The following ITPKB variants were observed in gnomAD, a reference collection of about 807,000 sequenced individuals.
ITPKB encodes the protein IP3 3-kinase B.
A neutral mutation model predicts 69.4 loss-of-function variants in ITPKB; 13 were observed. The observed-to-expected ratio is 0.19, with a 90% CI of 0.12 to 0.30. The LOEUF (loss-of-function observed/expected upper bound fraction) is 0.30. ITPKB is among the 10% of genes least tolerant of loss of function. ITPKB has a pLI of 1.00. For missense variants in ITPKB, 1,240 were observed against 1,250.5 expected (o/e 0.99, Z 0.13); for synonymous variants, 584 against 513.7 (o/e 1.14, Z -1.85).
chr1:226,728,000 G>A (rs542809934), intron 2 of ITPKB, among the ~76,000 whole-genome samples: 3 of 151,990 alleles, frequency 2.0e-5, no homozygotes, highest in Non-Finnish European at 2.9e-5. Flanking sequence ...TGAGCTTCAC[G>A]AGGAAGGATT....
chr1:226,707,601 G>A (rs979490391), intron 2 of ITPKB: 1 of 987,348 alleles, frequency 1.0e-6, no homozygotes, highest in African/African-American at 1.7e-5. Context: ...TCGGGCAGTG[G>A]GGGCTCAATG....
intron 2 of ITPKB, among the ~76,000 whole-genome samples, chr1:226,732,392 C>A (rs1657616238): frequency 6.6e-6 from 1 of 152,274 alleles, no homozygotes; most frequent in South Asian, 2.1e-4. Flanking sequence ...GCGCCCGCGA[C>A]CACGCCAGCT....
Position 226,634,802 on chromosome 1 carries a change from G to T in ITPKB, c.2710C>A (p.Leu904Met), listed in dbSNP as rs1367164360. Reference protein sequence around the residue: ...WMIDFGKTTPLPEGQTLQHDV... With the variant: ...WMIDFGKTTPMPEGQTLQHDV... Reference sequence around the variant, plus strand: ...TGCTGCAGGGTCTGGCCCTCAGGCAGGGGCGTGGTTTTCCCAAAGTCGATC... The same window carrying T: ...TGCTGCAGGGTCTGGCCCTCAGGCATGGGCGTGGTTTTCCCAAAGTCGATC... The change falls in exon 8 of 8, where the codon CTG becomes ATG. Residue 904 changes from leucine (L) to methionine (M), a missense_variant. By Grantham distance (15) the Leu-to-Met change is conservative (BLOSUM62 2). Coordinates refer to ENST00000429204, the MANE Select transcript of ITPKB (RefSeq NM_002221.4). This position sits in a 1 kb window ranked among gnomAD's most constrained non-coding sequence, Gnocchi z 6.3. The T allele has an allele frequency of 1.2e-6, 2 of 1,607,952 alleles. No homozygotes were observed. The highest frequency in any genetic ancestry group is 1.7e-6 in the Non-Finnish European group (2 of 1,174,364).
At chr1:226,645,610 C>G (rs1669045036) in intron 4 of ITPKB, among the ~76,000 whole-genome samples, 1 of 152,178 alleles carries the variant, frequency 6.6e-6, no homozygotes, top group South Asian at 2.1e-4. Flanking sequence ...TCCATGTGGT[C>G]ACCTGCGAAG....
chr1:226,737,483 C>G lies in ITPKB; in HGVS notation c.-25G>C, dbSNP rs1011848613. On this transcript the variant is annotated 5_prime_UTR_variant, in exon 2 of 8. Transcript: ENST00000429204. ...TAGTACTGGGTCCCGCGCTGCCCGC[C>G]GCCGCGGCTCCCGCTCCTGCTCCGC... 1.6e-5 allele frequency: 25 copies of G among 1,533,138 alleles called. No individual in the cohort carries two copies. The highest frequency in any genetic ancestry group is 2.2e-5 in the Non-Finnish European group (25 of 1,144,370). 95.0% of individuals were successfully genotyped at this position (1,533,138 alleles called of 1,614,324 possible). A position where few individuals can be genotyped will look rare whatever the true frequency, so the allele number is the denominator to read the frequency against.
At chr1:226,693,049 G>C (rs563131131) in intron 2 of ITPKB, among the ~76,000 whole-genome samples, 1 of 152,316 alleles carries the variant, frequency 6.6e-6, no homozygotes, top group South Asian at 2.1e-4. Context: ...GCTGCTCAGG[G>C]AGCAAGGCAG....
At chr1:226,705,150 G>A (rs1192864181) in intron 2 of ITPKB, among the ~76,000 whole-genome samples, 1 of 152,190 alleles carries the variant, frequency 6.6e-6, no homozygotes, top group African/African-American at 2.4e-5. Context: ...AAACATTTAG[G>A]TGCTAATTCC....
At chr1:226,702,118 C>T (rs1251065682) in intron 2 of ITPKB, among the ~76,000 whole-genome samples, 1 of 152,044 alleles carries the variant, frequency 6.6e-6, no homozygotes, top group Admixed American at 6.6e-5. Flanking sequence ...CAACTTGGCC[C>T]GGCACGGTGG....
intron 2 of ITPKB, among the ~76,000 whole-genome samples, chr1:226,649,781 T>C (rs562969744): frequency 6.6e-6 from 1 of 151,968 alleles, no homozygotes; most frequent in Admixed American, 6.5e-5. Context: ...TTTATACAAC[T>C]ACTTGAAAAT....
In ITPKB at chr1:226,636,777, TG is replaced by T. The variant is rs1668847741; in HGVS notation, c.2625+901del. 2.0e-5 allele frequency among the ~76,000 whole-genome samples: 3 copies of T among 148,526 alleles called. No homozygotes were observed. In the South Asian group the frequency reaches 6.3e-4, roughly 31 times the overall value. ...CTGTGTGTGTGTGTGTGTGTGTGTG[TG>T]TGTGTGTGTGTGTGTGAGACTGGGA... On this transcript the variant is annotated intron_variant, in intron 7 of 7. Transcript: ENST00000429204.
chr1:226,688,128 T>C (rs1486328036), intron 2 of ITPKB, among the ~76,000 whole-genome samples: 2 of 152,144 alleles, frequency 1.3e-5, no homozygotes, highest in Non-Finnish European at 2.9e-5. Context: ...TCTGATAGGG[T>C]TCACACTTCT....
rs143110267 is a variant in ITPKB at position 226,671,427 on chromosome 1, T to A, written c.1933-22656A>T. ...AGAACCCAATAAATGCTGTTGCTAA[T>A]GGATTCACGCATGCATGCACACATG... On this transcript the variant is annotated intron_variant, in intron 2 of 7. Coordinates refer to ENST00000429204, the MANE Select transcript of ITPKB (RefSeq NM_002221.4). Among the ~76,000 whole-genome samples, 11 of 152,366 alleles carry A rather than the reference T, an allele frequency of 7.2e-5. No individual in the cohort carries two copies. The East Asian group carries it at 2.1e-3, about 29-fold the overall frequency.
chr1:226,668,495 C>G (rs1669549030), intron 2 of ITPKB, among the ~76,000 whole-genome samples: 1 of 152,200 alleles, frequency 6.6e-6, no homozygotes, highest in Non-Finnish European at 1.5e-5. Flanking sequence ...AGAACCTGGG[C>G]TATTCCATCC....
intron 2 of ITPKB, among the ~76,000 whole-genome samples, chr1:226,674,465 G>A (rs1460318612): frequency 6.6e-6 from 1 of 152,100 alleles, no homozygotes; most frequent in Non-Finnish European, 1.5e-5. Context: ...CCATAGTGCT[G>A]GAATTACAGG....
intron 2 of ITPKB, among the ~76,000 whole-genome samples, chr1:226,702,483 C>T (rs984993589): frequency 2.0e-5 from 3 of 152,084 alleles, no homozygotes; most frequent in Admixed American, 2.0e-4. Context: ...TTCCCTTCTG[C>T]AGCGCTGCCT....
intron 2 of ITPKB, among the ~76,000 whole-genome samples, chr1:226,699,396 G>C (rs1009252766): frequency 3.9e-5 from 6 of 152,250 alleles, no homozygotes; most frequent in African/African-American, 1.4e-4. Context: ...GACTACAGCA[G>C]TTAAGAGCCC....
chr1:226,638,170 G>A (rs935806751), intron 6 of ITPKB, among the ~76,000 whole-genome samples: 6 of 152,308 alleles, frequency 3.9e-5, no homozygotes, highest in Admixed American at 3.3e-4. Flanking sequence ...CGGGCCAGCC[G>A]AGCAGCCCCC....
intron 2 of ITPKB, among the ~76,000 whole-genome samples, chr1:226,729,294 C>T (rs1443955922): frequency 6.6e-6 from 1 of 151,764 alleles, no homozygotes; most frequent in Non-Finnish European, 1.5e-5. Flanking sequence ...CCATCCTGGC[C>T]AACATGGTGA....
At chr1:226,720,777 C>T (rs962371346) in intron 2 of ITPKB, among the ~76,000 whole-genome samples, 1 of 151,812 alleles carries the variant, frequency 6.6e-6, no homozygotes, top group Admixed American at 6.6e-5. Flanking sequence ...CGCGGCCGGG[C>T]GTGGTGGCTC....
Sources: gnomAD v4.1 joint callset for allele counts (sites outside exome capture counted in the v4.1 genomes callset) on GRCh38, gnomAD v4.1.1 for gene constraint, Gnocchi (gnomAD v3.1) non-coding constraint, MANE v1.5 for transcripts, NCBI Gene and HGNC (gene_info 2026-07-23, HGNC 2026-07-21) for gene names.